SEMA3D: variants seen among roughly 807,000 people sequenced by gnomAD.
SEMA3D encodes the protein semaphorin-3D.
In SEMA3D, 84 loss-of-function variants were observed where a neutral mutation model predicts 100.1. The observed-to-expected ratio is 0.84, with a 90% confidence interval of 0.70 to 1.01. The LOEUF (loss-of-function observed/expected upper bound fraction) is 1.01, where lower values mean the gene tolerates loss of function less well. Ranked by LOEUF, SEMA3D falls within the 50% of genes least tolerant of loss-of-function variation. SEMA3D has a pLI of 0.00. For synonymous variants in SEMA3D, 312 were observed against 320.7 expected, an observed-to-expected ratio of 0.97 and a Z score of 0.29; for missense variants, 875 against 934.1, an observed-to-expected ratio of 0.94 and a Z score of 0.82.
At chr7:85,207,323 G>A in the SEMA3D span, among the ~76,000 whole-genome samples, 1 of 151,982 alleles carries the variant, frequency 6.6e-6, no homozygotes, top group East Asian at 1.9e-4. Context: ...CAATGGGGTA[G>A]AATACCAATT....
At chr7:85,014,796 C>A (rs532655174) in intron 16 of SEMA3D, among the ~76,000 whole-genome samples, 211 of 151,706 alleles carry the variant, frequency 1.4e-3, no homozygotes, top group Non-Finnish European at 2.8e-3. Flanking sequence ...TAGTGCTTGA[C>A]ATAAATGAAA....
At chr7:85,096,312 G>T (rs1030193949) in intron 4 of SEMA3D, among the ~76,000 whole-genome samples, 1 of 151,824 alleles carries the variant, frequency 6.6e-6, no homozygotes, top group African/African-American at 2.4e-5. Flanking sequence ...AAAATGGAAT[G>T]GAGCTATAAT....
chr7:85,207,890 A>T, the SEMA3D span, among the ~76,000 whole-genome samples: 4 of 152,078 alleles, frequency 2.6e-5, no homozygotes, highest in Non-Finnish European at 5.9e-5. Flanking sequence ...ATAGGAAAAA[A>T]ATCATTTAAT....
chr7:85,207,143 A>G, the SEMA3D span, among the ~76,000 whole-genome samples: 1 of 152,006 alleles, frequency 6.6e-6, no homozygotes, highest in Admixed American at 6.6e-5. Context: ...AGCTTATAAG[A>G]TTTTTTTACA....
chr7:85,123,124 A>G (rs1388786183), intron 2 of SEMA3D, among the ~76,000 whole-genome samples: 1 of 152,120 alleles, frequency 6.6e-6, no homozygotes, highest in Non-Finnish European at 1.5e-5. Flanking sequence ...GTACACGGCA[A>G]GTAAGAGATG....
chr7:85,064,219 A>T (rs1323326588), intron 8 of SEMA3D, among the ~76,000 whole-genome samples: 1 of 151,824 alleles, frequency 6.6e-6, no homozygotes, highest in African/African-American at 2.4e-5. Context: ...ATTTTAAGCC[A>T]TAAAAATATC....
intron 9 of SEMA3D, among the ~76,000 whole-genome samples, chr7:85,055,465 A>G (rs921065025): frequency 6.6e-6 from 1 of 151,400 alleles, no homozygotes; most frequent in African/African-American, 2.4e-5. Flanking sequence ...ATAAACTGTA[A>G]TGTTTGAAAA....
chr7:85,071,287 C>A (rs1329922964), intron 6 of SEMA3D, among the ~76,000 whole-genome samples: 1 of 152,148 alleles, frequency 6.6e-6, no homozygotes, highest in Non-Finnish European at 1.5e-5. Flanking sequence ...GTTACCAAGT[C>A]TCCTAGTGGC....
At chr7:85,190,935 A>T (rs1791682242), upstream of SEMA3D, among the ~76,000 whole-genome samples, 2 of 152,056 alleles carry the variant, frequency 1.3e-5, no homozygotes, top group South Asian at 4.1e-4. Context: ...GTTATCACTC[A>T]GCTCCTTATG....
At chr7:85,239,894 CTA>C in the SEMA3D span, among the ~76,000 whole-genome samples, 1 of 152,100 alleles carries the variant, frequency 6.6e-6, no homozygotes, top group African/African-American at 2.4e-5. Flanking sequence ...CAACCTGTAA[CTA>C]TTTATTTTCC....
At chr7:85,170,859 A>G (rs144478108) in intron 1 of SEMA3D, among the ~76,000 whole-genome samples, 1 of 152,016 alleles carries the variant, frequency 6.6e-6, no homozygotes, top group African/African-American at 2.4e-5. Context: ...AACATGCTTA[A>G]TATATACTGG....
chr7:85,188,498 C>G (rs1791622921), upstream of SEMA3D, among the ~76,000 whole-genome samples: 1 of 152,060 alleles, frequency 6.6e-6, no homozygotes. Context: ...TTGTATGTTT[C>G]TATGTGTTTA....
intron 1 of SEMA3D, among the ~76,000 whole-genome samples, chr7:85,175,864 T>G (rs925237669): frequency 3.9e-5 from 6 of 152,060 alleles, no homozygotes; most frequent in Non-Finnish European, 5.9e-5. Context: ...GAATTTTTAA[T>G]TTTAAAATAT....
the SEMA3D span, among the ~76,000 whole-genome samples, chr7:85,214,186 C>G: frequency 2.6e-5 from 4 of 152,166 alleles, no homozygotes; most frequent in Non-Finnish European, 2.9e-5. Flanking sequence ...TTAGTTGACA[C>G]TTCCCTTCTC....
intron 2 of SEMA3D, chr7:85,140,500 A>C: frequency 2.0e-6 from 2 of 983,918 alleles, no homozygotes; most frequent in Non-Finnish European, 2.4e-6. Context: ...TAAAAAGAAA[A>C]ATTGAGACAC....
chr7:85,065,108 AT>A (rs1415803522), intron 8 of SEMA3D, among the ~76,000 whole-genome samples: 1 of 152,160 alleles, frequency 6.6e-6, no homozygotes, highest in African/African-American at 2.4e-5. Context: ...GTACTTCAGT[AT>A]TTTTATAGCA....
chr7:85,078,780 T>A (rs1787965028), intron 5 of SEMA3D, among the ~76,000 whole-genome samples: 1 of 152,124 alleles, frequency 6.6e-6, no homozygotes, highest in Non-Finnish European at 1.5e-5. Context: ...TACCTTTGTG[T>A]AAAGGGACAG....
chr7:85,111,611 T>C (rs1356169066), intron 3 of SEMA3D, among the ~76,000 whole-genome samples: 1 of 152,078 alleles, frequency 6.6e-6, no homozygotes, highest in East Asian at 1.9e-4. Flanking sequence ...CTTGGCTCCC[T>C]ATTTCTCGAT....
At chr7:85,049,799 T>A (rs1228314766) in intron 9 of SEMA3D, among the ~76,000 whole-genome samples, 1 of 151,816 alleles carries the variant, frequency 6.6e-6, no homozygotes, top group Admixed American at 6.6e-5. Flanking sequence ...CAAAGGGCTA[T>A]TAATGAGACC....
Sources: gnomAD v4.1 joint callset for allele counts (sites outside exome capture counted in the v4.1 genomes callset) on GRCh38, gnomAD v4.1.1 for gene constraint, MANE v1.5 for transcripts, NCBI Gene and HGNC (gene_info 2026-07-23, HGNC 2026-07-21) for gene names.